B4GALT6: variants seen among roughly 807,000 people sequenced by gnomAD.
B4GALT6 encodes beta-1,4-galactosyltransferase 6, also known as UDP-Gal:beta-GlcNAc beta-1,4-galactosyltransferase 6.
Under a neutral mutation model 46.3 loss-of-function variants are expected in B4GALT6, and 14 were observed. The ratio of observed to expected loss-of-function variants is 0.30; its 90% CI spans 0.20 to 0.47. The LOEUF is 0.47. B4GALT6 is among the 20% of genes least tolerant of loss of function. The pLI is 0.99. For missense variants in B4GALT6, 386 were observed against 480.1 expected (o/e 0.80, Z 1.83); for synonymous variants, 168 against 162.0 (o/e 1.04, Z -0.28).
rs549611307 is a variant in B4GALT6, at chr18:31,668,380, A to G, written c.116-2008T>C. Reference sequence around the variant, plus strand: ...GTACTATGCTCACTACCTAGGTGGCAGGATCAATCATACTCCAAACCTCTG... The same window carrying G: ...GTACTATGCTCACTACCTAGGTGGCGGGATCAATCATACTCCAAACCTCTG... On this transcript the variant is annotated intron_variant, in intron 1 of 8. Transcript: ENST00000306851. Among the ~76,000 whole-genome samples, 66 of 152,336 alleles carry G rather than the reference A, an allele frequency of 4.3e-4. No individual in the cohort carries two copies. In the South Asian group the frequency reaches 0.01, roughly 23 times the overall value.
intron 1 of B4GALT6, among the ~76,000 whole-genome samples, chr18:31,676,083 T>C (rs955189705): frequency 6.6e-6 from 1 of 152,172 alleles, no homozygotes; most frequent in Non-Finnish European, 1.5e-5. Flanking sequence ...CTACCTTTGG[T>C]CTCTTGATTC....
chr18:31,663,817 TG>T (rs1479026842), intron 2 of B4GALT6, among the ~76,000 whole-genome samples: 1 of 152,248 alleles, frequency 6.6e-6, no homozygotes, highest in African/African-American at 2.4e-5. Flanking sequence ...TAAAGGAGAC[TG>T]TTTTTCTTAA....
At chr18:31,670,206 A>G (rs2074334189) in intron 1 of B4GALT6, among the ~76,000 whole-genome samples, 1 of 152,036 alleles carries the variant, frequency 6.6e-6, no homozygotes, top group Non-Finnish European at 1.5e-5. Flanking sequence ...GGCACCTGCC[A>G]CTATGCCCAC....
At chr18:31,654,733 G>T (rs1369631029) in intron 3 of B4GALT6, among the ~76,000 whole-genome samples, 1 of 152,066 alleles carries the variant, frequency 6.6e-6, no homozygotes, top group African/African-American at 2.4e-5. Flanking sequence ...TACTTGAATG[G>T]TTTTCATCTA....
intron 1 of B4GALT6, among the ~76,000 whole-genome samples, chr18:31,667,863 G>A (rs189114748): frequency 4.6e-5 from 7 of 152,208 alleles, no homozygotes; most frequent in South Asian, 4.2e-4. Context: ...CTGGGAGGCC[G>A]AGGCGGTTGG....
intron 1 of B4GALT6, among the ~76,000 whole-genome samples, chr18:31,669,889 A>C (rs575182696): frequency 6.6e-6 from 1 of 152,318 alleles, no homozygotes; most frequent in African/African-American, 2.4e-5. Context: ...AAAACCTGCC[A>C]CAAAGTACTA....
At chr18:31,666,966 A>C (rs2074290147) in intron 1 of B4GALT6, among the ~76,000 whole-genome samples, 1 of 152,212 alleles carries the variant, frequency 6.6e-6, no homozygotes, top group African/African-American at 2.4e-5. Flanking sequence ...GGATGGTAAA[A>C]GCAAATAAAA....
At chr18:31,716,616 G>A in the B4GALT6 span, among the ~76,000 whole-genome samples, 1 of 152,162 alleles carries the variant, frequency 6.6e-6, no homozygotes, top group Non-Finnish European at 1.5e-5. Flanking sequence ...AAGGTCCAGA[G>A]GGCAGATAAC....
At chr18:31,697,853 T>C in the B4GALT6 span, among the ~76,000 whole-genome samples, 1 of 152,218 alleles carries the variant, frequency 6.6e-6, no homozygotes, top group Non-Finnish European at 1.5e-5. Context: ...ATGGCTGCTA[T>C]TTGTCTAATT....
rs2074401546 is a variant in B4GALT6 at position 31,675,150 on chromosome 18, G to GACAAGAAATTGTAAAA, written c.116-8779_116-8778insTTTTACAATTTCTTGT. ...AACTGACAAGAAATTCTTTGTAAAA[G>GACAAGAAATTGTAAAA]GTGTCTTTACAATTTCCACTCTGCA... is the stretch of plus-strand genomic sequence containing the variant. On this transcript the variant is annotated intron_variant, in intron 1 of 8. Transcript: ENST00000306851. 5.9e-5 allele frequency among the ~76,000 whole-genome samples: 9 copies of GACAAGAAATTGTAAAA among 152,172 alleles called. No individual in the cohort carries two copies. In the South Asian group the frequency reaches 1.7e-3, roughly 28 times the overall value.
chr18:31,709,438 T>C, the B4GALT6 span, among the ~76,000 whole-genome samples: 1 of 147,694 alleles, frequency 6.8e-6, no homozygotes, highest in Non-Finnish European at 1.5e-5. Context: ...TTCATACATA[T>C]ATATATATAT....
chr18:31,632,129 T>A (rs1220564591), intron 5 of B4GALT6, among the ~76,000 whole-genome samples: 2 of 152,086 alleles, frequency 1.3e-5, no homozygotes, highest in Non-Finnish European at 2.9e-5. Flanking sequence ...CTAAAATATA[T>A]TAAAAAAAGG....
the B4GALT6 span, among the ~76,000 whole-genome samples, chr18:31,711,207 T>TG: frequency 3.9e-5 from 6 of 152,230 alleles, no homozygotes; most frequent in African/African-American, 1.2e-4. Context: ...CACTGATCCT[T>TG]GCCACAGCTC....
the B4GALT6 span, among the ~76,000 whole-genome samples, chr18:31,714,791 C>CGAT: frequency 6.6e-6 from 1 of 152,160 alleles, no homozygotes; most frequent in Non-Finnish European, 1.5e-5. Flanking sequence ...CAGAAGACCA[C>CGAT]GATCATCTCC....
At chr18:31,700,790 G>A in the B4GALT6 span, among the ~76,000 whole-genome samples, 1 of 152,008 alleles carries the variant, frequency 6.6e-6, no homozygotes, top group African/African-American at 2.4e-5. Flanking sequence ...CTACAAGGAT[G>A]ACCTTTGGTG....
rs139156163 is a variant in B4GALT6 at position 31,645,489 on chromosome 18, A to G, written c.347-10T>C. 7.7e-4 allele frequency: 1,230 copies of G among 1,601,264 alleles called. 14 individuals are homozygous for G. The African/African-American group carries it at 0.014, about 18-fold the overall frequency. On this transcript the variant is annotated splice_polypyrimidine_tract_variant and intron_variant, in intron 3 of 8. Coordinates refer to ENST00000306851, the MANE Select transcript of B4GALT6 (RefSeq NM_004775.5). ...ACATTGAGGAATCCTCCTACAAATTAAAAATGTAAAGAATTGTTTTAATAT... is the reference window on the plus strand; with the variant it reads ...ACATTGAGGAATCCTCCTACAAATTGAAAATGTAAAGAATTGTTTTAATAT...
chr18:31,667,093 C>T (rs756572465), intron 1 of B4GALT6, among the ~76,000 whole-genome samples: 2 of 152,156 alleles, frequency 1.3e-5, no homozygotes, highest in African/African-American at 2.4e-5. Flanking sequence ...AAAGCTTTAT[C>T]GCAAAAATCC....
the B4GALT6 span, among the ~76,000 whole-genome samples, chr18:31,707,181 A>G: frequency 2.0e-5 from 3 of 151,486 alleles, no homozygotes; most frequent in African/African-American, 7.3e-5. Context: ...ATTATTAACC[A>G]TGCCCTATCT....
At chr18:31,709,603 G>GTATA in the B4GALT6 span, among the ~76,000 whole-genome samples, 220 of 135,502 alleles carry the variant, frequency 1.6e-3, 2 homozygotes, top group Admixed American at 4.3e-3. Flanking sequence ...GTGTGTGTGT[G>GTATA]TATATATATA....
Sources: allele counts gnomAD v4.1 joint callset (sites outside exome capture counted in the v4.1 genomes callset), GRCh38; gene constraint gnomAD v4.1.1; transcripts MANE v1.5; gene names NCBI Gene and HGNC (gene_info 2026-07-23, HGNC 2026-07-21).